Variants in RBMS3 observed in about 807,000 individuals in gnomAD.
The protein encoded by RBMS3 is RNA-binding motif, single-stranded-interacting protein 3.
In RBMS3, 27 loss-of-function variants were observed where a neutral mutation model predicts 66.8. That is an observed-to-expected ratio of 0.40 (90% CI 0.30 to 0.56). RBMS3 has a LOEUF of 0.56. RBMS3 is among the 20% of genes least tolerant of loss of function. RBMS3 has a pLI of 0.40. For missense variants in RBMS3, 513 were observed against 549.5 expected (o/e 0.93, Z 0.66); for synonymous variants, 188 against 183.0 (o/e 1.03, Z -0.22).
chr3:29,351,701 A>G (rs1387960777), intron 1 of RBMS3, among the ~76,000 whole-genome samples: 2 of 152,064 alleles, frequency 1.3e-5, no homozygotes, highest in African/African-American at 2.4e-5. Context: ...TATTTTTGCC[A>G]TATAGAAGTT....
intron 4 of RBMS3, among the ~76,000 whole-genome samples, chr3:29,648,896 C>A (rs1202004163): frequency 6.6e-6 from 1 of 152,046 alleles, no homozygotes; most frequent in African/African-American, 2.4e-5. Flanking sequence ...CTGAAATATC[C>A]AGTACAGCAG....
At chr3:29,414,885 T>C (rs934264817) in intron 1 of RBMS3, among the ~76,000 whole-genome samples, 3 of 152,160 alleles carry the variant, frequency 2.0e-5, no homozygotes, top group African/African-American at 7.2e-5. Context: ...AGTAGTAAAT[T>C]TCTCTTACGT....
intron 3 of RBMS3, among the ~76,000 whole-genome samples, chr3:29,524,118 T>A (rs2044979488): frequency 6.6e-6 from 1 of 152,160 alleles, no homozygotes; most frequent in Admixed American, 6.5e-5. Flanking sequence ...GTATCCTTTT[T>A]TGTTACCCAG....
chr3:29,429,961 ATTTT>A (rs869146732), intron 1 of RBMS3, among the ~76,000 whole-genome samples: 1 of 123,190 alleles, frequency 8.1e-6, no homozygotes. Context: ...TTATTTATTT[ATTTT>A]TTAAGATTCT....
At chr3:29,527,932 T>G (rs1372092140) in intron 3 of RBMS3, among the ~76,000 whole-genome samples, 1 of 150,788 alleles carries the variant, frequency 6.6e-6, no homozygotes, top group Admixed American at 6.6e-5. Context: ...AATAAATAAA[T>G]AAAAATAAAA....
intron 1 of RBMS3, among the ~76,000 whole-genome samples, chr3:29,303,761 T>C (rs2033829974): frequency 6.6e-6 from 1 of 152,014 alleles, no homozygotes; most frequent in Non-Finnish European, 1.5e-5. Context: ...ACTCTTTTCA[T>C]AGCATATTAG....
chr3:29,520,265 TTAA>T (rs2044804686), intron 3 of RBMS3, among the ~76,000 whole-genome samples: 1 of 152,220 alleles, frequency 6.6e-6, no homozygotes, highest in Admixed American at 6.5e-5. Context: ...CAGTATCTTG[TTAA>T]TAATTTTAAA....
At chr3:29,640,878 T>C (rs993211046) in intron 4 of RBMS3, among the ~76,000 whole-genome samples, 1 of 151,996 alleles carries the variant, frequency 6.6e-6, no homozygotes, top group Non-Finnish European at 1.5e-5. Context: ...TTATTTACTG[T>C]CTCTACAGCT....
Position 29,836,731 on chromosome 3 carries a change from CTA to C in RBMS3, c.638-32125_638-32124del, listed in dbSNP as rs574846185. Among the ~76,000 whole-genome samples, 233 of 151,352 alleles carry C rather than the reference CTA, an allele frequency of 1.5e-3. 1 individual carries two copies. The highest frequency in any genetic ancestry group is 5.5e-3 in the African/African-American group (227 of 41,284). ...TTACAACACACACAATAAAATGTAA[CTA>C]TGTGAGAGATATGCATGTTAATTAG... On this transcript the variant is annotated intron_variant, in intron 6 of 14. Coordinates refer to ENST00000383767, the MANE Select transcript of RBMS3 (RefSeq NM_001003793.3).
At chr3:29,350,693 C>A (rs1406401225) in intron 1 of RBMS3, among the ~76,000 whole-genome samples, 2 of 151,982 alleles carry the variant, frequency 1.3e-5, no homozygotes, top group African/African-American at 2.4e-5. Flanking sequence ...ATCTTAGTTT[C>A]TTTTGAATGG....
intron 8 of RBMS3, among the ~76,000 whole-genome samples, chr3:29,885,495 T>C (rs2059849300): frequency 6.6e-6 from 1 of 151,892 alleles, no homozygotes; most frequent in Non-Finnish European, 1.5e-5. Flanking sequence ...TATTAAGTGA[T>C]AGTGACTGAA....
chr3:29,692,258 A>C (rs1028518629), intron 4 of RBMS3, among the ~76,000 whole-genome samples: 1 of 151,980 alleles, frequency 6.6e-6, no homozygotes, highest in African/African-American at 2.4e-5. Context: ...CTAGGATTAC[A>C]GGTGTGAGCC....
intron 1 of RBMS3, among the ~76,000 whole-genome samples, chr3:29,338,119 A>T (rs773342468): frequency 1.1e-4 from 16 of 152,128 alleles, no homozygotes; most frequent in Non-Finnish European, 1.6e-4. Context: ...GCATGCCATG[A>T]TCTGTGCTGT....
chr3:29,330,315 G>A (rs2035577825), intron 1 of RBMS3, among the ~76,000 whole-genome samples: 2 of 152,126 alleles, frequency 1.3e-5, no homozygotes, highest in Non-Finnish European at 2.9e-5. Context: ...CTAGCAGTAT[G>A]TTTGTAATTC....
chr3:29,904,489 G>C (rs1027195079), intron 10 of RBMS3, among the ~76,000 whole-genome samples: 2 of 151,792 alleles, frequency 1.3e-5, no homozygotes, highest in East Asian at 3.9e-4. Flanking sequence ...GCCATATATA[G>C]ATCTATATCA....
chr3:29,707,533 A>G (rs9838087), intron 4 of RBMS3, among the ~76,000 whole-genome samples: 18,703 of 152,200 alleles, frequency 0.12, 2,476 homozygotes, highest in African/African-American at 0.33. Flanking sequence ...AAAAACAAAC[A>G]AAACATCTGA....
intron 4 of RBMS3, among the ~76,000 whole-genome samples, chr3:29,657,738 C>T (rs1048099308): frequency 6.6e-6 from 1 of 152,100 alleles, no homozygotes; most frequent in Non-Finnish European, 1.5e-5. Context: ...CTAATCAACA[C>T]ACACAAAGCA....
intron 2 of RBMS3, among the ~76,000 whole-genome samples, chr3:29,463,077 A>G (rs2042421531): frequency 6.6e-6 from 1 of 152,216 alleles, no homozygotes; most frequent in Admixed American, 6.5e-5. Flanking sequence ...TATTTTAAAG[A>G]GATCTGATTT....
chr3:29,870,935 T>C (rs1466971919), intron 7 of RBMS3, among the ~76,000 whole-genome samples: 1 of 152,096 alleles, frequency 6.6e-6, no homozygotes, highest in African/African-American at 2.4e-5. Flanking sequence ...GGGATGCACA[T>C]ATTAATTTGT....
Sources: gnomAD v4.1 joint callset for allele counts (sites outside exome capture counted in the v4.1 genomes callset) on GRCh38, gnomAD v4.1.1 for gene constraint, MANE v1.5 for transcripts, NCBI Gene and HGNC (gene_info 2026-07-23, HGNC 2026-07-21) for gene names.